Variants in ODAD2 observed in about 807,000 individuals in gnomAD.
ODAD2 encodes outer dynein arm docking complex subunit 2, also known as outer dynein arm-docking complex subunit 2.
ODAD2 carries 89 observed loss-of-function variants against 106.8 expected under a neutral mutation model. The observed-to-expected ratio is 0.83, with a 90% CI of 0.70 to 0.99. The LOEUF is 0.99. ODAD2 is among the 50% of genes least tolerant of loss of function. The pLI, the probability that ODAD2 is intolerant of heterozygous loss-of-function variation, is 0.00. For synonymous variants in ODAD2, 404 were observed against 436.2 expected (o/e 0.93, Z 0.92); for missense variants, 1,168 against 1,238.5 (o/e 0.94, Z 0.85).
intron 2 of ODAD2, among the ~76,000 whole-genome samples, chr10:27,988,010 T>C (rs1289698764): frequency 6.7e-6 from 1 of 150,100 alleles, no homozygotes; most frequent in Admixed American, 6.7e-5. Context: ...AAAAAAACTA[T>C]GAAAAAAAAA....
chr10:27,936,797 G>C lies in ODAD2; in HGVS notation c.2181C>G (p.Asp727Glu). 6.2e-7 allele frequency: 1 copy of C among 1,613,972 alleles called. No individual in the cohort carries two copies. Among genetic ancestry groups the C allele is most frequent in the Non-Finnish European group, 8.5e-7 (1 of 1,179,926 alleles). ...TGACAGCAGCTAACCGCTCTTTATT[G>C]TCAGTGTTATTGAGTAGACTGGCCA... is the stretch of plus-strand genomic sequence containing the variant. ...KPLASLLNNT[D>E]NKERLAAVTG... Residue 727 changes from aspartate to glutamate, a missense_variant, in exon 15 of 20, where the codon GAC becomes GAG. Asp to Glu is a conservative substitution (Grantham distance 45, BLOSUM62 2). Transcript: ENST00000305242.
Position 27,984,283 on chromosome 10 carries a change from T to C in ODAD2, c.583A>G (p.Ser195Gly). 1 of 1,607,340 alleles carries C rather than the reference T, an allele frequency of 6.2e-7. No homozygotes were observed. Among genetic ancestry groups the C allele is most frequent in the Non-Finnish European group, 8.5e-7 (1 of 1,174,488 alleles). Residue 195 changes from serine (S) to glycine (G), a missense_variant, in exon 5 of 20, where the codon AGT (serine) becomes GGT (glycine). By Grantham distance (56) the Ser-to-Gly change is moderately conservative. This residue lies in a region of ODAD2 where 430 missense variants were observed against 452.2 expected (regional missense o/e 0.95). Transcript: ENST00000305242. ...HSLKHISLEI[S>G]LSPMTVKKDI... is the part of the protein sequence containing the mutation. ...TTCTTCACCGTCATGGGACTTAAAC[T>C]TATTTCTCTGAAATAAATGTTTAAA... is the stretch of plus-strand genomic sequence containing the variant.
intron 15 of ODAD2, 97 bp from the exon 16 acceptor site, chr10:27,935,349 C>T (rs1845898711): frequency 8.4e-6 from 12 of 1,435,590 alleles, no homozygotes; most frequent in Non-Finnish European, 1.1e-5. Flanking sequence ...CCCAATGATA[C>T]AGATATTATT....
At chr10:27,917,698 T>C (rs1844493794) in intron 16 of ODAD2, among the ~76,000 whole-genome samples, 5 of 151,996 alleles carry the variant, frequency 3.3e-5, no homozygotes, top group South Asian at 4.1e-4. Context: ...ATAAGCTCTA[T>C]TGAATAGTCT....
intron 19 of ODAD2, among the ~76,000 whole-genome samples, chr10:27,824,941 TCTAGA>T (rs1589757496): frequency 6.6e-6 from 1 of 152,182 alleles, no homozygotes; most frequent in Non-Finnish European, 1.5e-5. Context: ...TGACCTGAAC[TCTAGA>T]CTATTCAGCT....
intron 19 of ODAD2, among the ~76,000 whole-genome samples, chr10:27,842,075 G>C (rs1013762329): frequency 1.3e-5 from 2 of 152,122 alleles, no homozygotes; most frequent in African/African-American, 2.4e-5. Context: ...TAGTTAAGAT[G>C]CATCTCTTCA....
intron 18 of ODAD2, 36 bp from the exon 19 acceptor site, chr10:27,860,882 G>T: frequency 6.4e-7 from 1 of 1,554,420 alleles, no homozygotes; most frequent in Non-Finnish European, 8.9e-7. Flanking sequence ...TCTGTGCATT[G>T]TAATGACCCT....
rs1005963004 is a variant in ODAD2 at position 27,830,541 on chromosome 10, T to C, written c.3022-17916A>G. Among the ~76,000 whole-genome samples the C allele has an allele frequency of 3.3e-5, 5 of 152,346 alleles. No individual in the cohort carries two copies. The East Asian group carries it at 7.7e-4, about 23-fold the overall frequency. ...GTTTTTCAGCCAAATCTTTAACTTATGAAATTTCAAATTATGTGGCAATAT... is the reference window on the plus strand; with the variant it reads ...GTTTTTCAGCCAAATCTTTAACTTACGAAATTTCAAATTATGTGGCAATAT... On this transcript the variant is annotated intron_variant, in intron 19 of 19. Transcript: ENST00000305242.
At chr10:27,847,533 A>C (rs1228967568) in intron 19 of ODAD2, among the ~76,000 whole-genome samples, 2 of 151,896 alleles carry the variant, frequency 1.3e-5, no homozygotes, top group Non-Finnish European at 2.9e-5. Context: ...GCCCTCTCTC[A>C]CCCCTGCTAT....
rs1285132510 is a variant in ODAD2, at chr10:27,961,581, ACCAGCTTCTGAATTTG to A, written c.1357_1372del (p.Gln453Ter). On this transcript the variant is annotated frameshift_variant, in exon 10 of 20. Coordinates refer to ENST00000305242, the MANE Select transcript of ODAD2 (RefSeq NM_018076.5). LOFTEE classifies it high-confidence loss of function. ...GACCTTTCTTACCTTTAAATATTTC[ACCAGCTTCTGAATTTG>A]CCAATATTCTGATGGCAAATCTGCA... 1.2e-6 allele frequency: 2 copies of A among 1,610,772 alleles called. No homozygotes were observed. Among genetic ancestry groups the A allele is most frequent in the Non-Finnish European group, 1.7e-6 (2 of 1,178,872 alleles).
intron 16 of ODAD2, among the ~76,000 whole-genome samples, chr10:27,909,527 A>G (rs1843839381): frequency 1.3e-5 from 2 of 152,150 alleles, no homozygotes; most frequent in South Asian, 4.1e-4. Flanking sequence ...TCTTAAAAGA[A>G]GACTCAGGGG....
At chr10:27,906,999 A>G (rs907314578) in intron 17 of ODAD2, among the ~76,000 whole-genome samples, 1 of 152,158 alleles carries the variant, frequency 6.6e-6, no homozygotes, top group African/African-American at 2.4e-5. Flanking sequence ...GTATCCCAGA[A>G]CTTAGAGTAT....
chr10:27,863,515 T>A (rs1840224979), intron 17 of ODAD2, among the ~76,000 whole-genome samples: 1 of 152,180 alleles, frequency 6.6e-6, no homozygotes, highest in African/African-American at 2.4e-5. Flanking sequence ...TTTGAGCAAG[T>A]AGGCAAATTC....
At chr10:27,929,524 T>C (rs1845470182) in intron 16 of ODAD2, among the ~76,000 whole-genome samples, 1 of 152,210 alleles carries the variant, frequency 6.6e-6, no homozygotes, top group Non-Finnish European at 1.5e-5. Flanking sequence ...AGGTTTCCAC[T>C]GGTATCTTTT....
At chr10:27,883,958 C>T (rs1841908764) in intron 17 of ODAD2, among the ~76,000 whole-genome samples, 1 of 150,822 alleles carries the variant, frequency 6.6e-6, no homozygotes, top group Non-Finnish European at 1.5e-5. Context: ...CCAACATACA[C>T]ATATGAGCAT....
At chr10:27,985,500 G>A (rs981784854) in intron 3 of ODAD2, among the ~76,000 whole-genome samples, 76 of 152,160 alleles carry the variant, frequency 5.0e-4, no homozygotes, top group Admixed American at 3.5e-3. Context: ...TTAATTGGCC[G>A]TGGGGCATTG....
chr10:27,844,979 A>G (rs914643954), intron 19 of ODAD2, among the ~76,000 whole-genome samples: 1 of 152,120 alleles, frequency 6.6e-6, no homozygotes, highest in African/African-American at 2.4e-5. Flanking sequence ...GGCACATTCA[A>G]TTTTTCCCAA....
At chr10:27,957,038 T>C (rs1156431828) in intron 10 of ODAD2, 1 of 152,192 alleles carries the variant, frequency 6.6e-6, no homozygotes, top group East Asian at 1.9e-4. Context: ...AGATTTAGTA[T>C]GGAGCCTAGA....
At position 27,936,745 on chromosome 10, in the gene ODAD2, T is replaced by C. The variant is rs1290544746; in HGVS notation, c.2233A>G (p.Ser745Gly). Residue 745 changes from serine to glycine, a missense_variant, in exon 15 of 20, where the codon AGC (serine) becomes GGC (glycine). This residue lies in a region of ODAD2 where 701 missense variants were observed against 712.3 expected (regional missense o/e 0.98). Transcript: ENST00000305242. ...VTGAIWKCSI[S>G]KENVTKFREY... ...TCTTACTTGGTAACATTCTCTTTGC[T>C]GATGGAACATTTCCATATAGCCCCT... is the stretch of plus-strand genomic sequence containing the variant. The C allele has an allele frequency of 1.2e-6, 2 of 1,614,050 alleles. No individual in the cohort carries two copies. The highest frequency in any genetic ancestry group is 1.7e-6 in the Non-Finnish European group (2 of 1,179,914).
Sources: gnomAD v4.1 joint callset for allele counts (sites outside exome capture counted in the v4.1 genomes callset) on GRCh38, gnomAD v4.1.1 for gene constraint, gnomAD v4.1.1 regional missense constraint, MANE v1.5 for transcripts, NCBI Gene and HGNC (gene_info 2026-07-23, HGNC 2026-07-21) for gene names.